The following RTCA variants were observed in gnomAD, a reference collection of about 807,000 sequenced individuals.
The protein encoded by RTCA is RNA terminal phosphate cyclase domain 1.
RTCA carries 37 observed loss-of-function variants against 46.1 expected under a neutral mutation model. That is an observed-to-expected ratio of 0.80 (90% CI 0.62 to 1.06). The LOEUF (loss-of-function observed/expected upper bound fraction) is 1.06, where lower values mean the gene tolerates loss of function less well. RTCA is among the 50% of genes least tolerant of loss of function. The pLI is 0.00. For missense variants in RTCA, 435 were observed against 455.5 expected, an observed-to-expected ratio of 0.95 and a Z score of 0.41; for synonymous variants, 164 against 158.3, an observed-to-expected ratio of 1.04 and a Z score of -0.27.
chr1:100,290,633 G>A (rs1304145037), intron 10 of RTCA, among the ~76,000 whole-genome samples: 1 of 152,112 alleles, frequency 6.6e-6, no homozygotes, highest in Non-Finnish European at 1.5e-5. Context: ...AGGCATGGTG[G>A]CATGTGCCTG....
intron 8 of RTCA, among the ~76,000 whole-genome samples, chr1:100,283,923 A>C (rs1353971758): frequency 5.0e-5 from 2 of 39,726 alleles, no homozygotes; most frequent in Non-Finnish European, 1.7e-4. Context: ...CCTAGTCGCT[A>C]AAAAAAAAAA....
At chr1:100,285,363 A>G (rs1666965196) in intron 9 of RTCA, 41 bp downstream of exon 9, 1 of 1,330,312 alleles carries the variant, frequency 7.5e-7, no homozygotes, top group Non-Finnish European at 1.1e-6. Context: ...AACCTGTTAG[A>G]TTTGAATATG....
rs766738386 is a variant in RTCA, at chr1:100,268,267, A to G, written c.262A>G (p.Ile88Val). The stretch of plus-strand genomic sequence containing the variant: ...TACACCAGAGAAGATCAAAGGTGGA[A>G]TCCACACAGCAGATACCAAGACAGC... ...TFTPEKIKGG[I>V]HTADTKTAGS... Residue 88 changes from isoleucine to valine, a missense_variant, in exon 3 of 11, where the codon ATC becomes GTC. Transcript: ENST00000370128. The G allele has an allele frequency of 5.0e-6, 8 of 1,613,816 alleles. No individual in the cohort carries two copies. The East Asian group carries it at 1.6e-4, about 31-fold the overall frequency.
In RTCA at chr1:100,287,213, CT is replaced by C; in HGVS notation, c.999+11del. On this transcript the variant is annotated intron_variant, in intron 10 of 10. Transcript: ENST00000370128. ...TGAACAAATAGCAAAGGTGAGTATT[CT>C]ATCAGAAAGGGAAATTGATATTTTG... The C allele has an allele frequency of 4.6e-6, 7 of 1,520,022 alleles. No homozygotes were observed. The highest frequency in any genetic ancestry group is 6.2e-6 in the Non-Finnish European group (7 of 1,135,016). The allele number at this position is 1,520,022 out of a possible 1,614,324, so 94.2% of individuals were successfully genotyped here.
At position 100,291,538 on chromosome 1, in the gene RTCA, T is replaced by C. The variant is rs981023722; in HGVS notation, c.*34T>C. 3 of 1,203,966 alleles carry C rather than the reference T, an allele frequency of 2.5e-6. No individual in the cohort carries two copies. The highest frequency in any genetic ancestry group is 2.4e-6 in the Non-Finnish European group (2 of 825,852). The allele number at this position is 1,203,966 out of a possible 1,614,324, so 74.6% of individuals were successfully genotyped here. On this transcript the variant is annotated 3_prime_UTR_variant, in exon 11 of 11. Coordinates refer to ENST00000370128, the MANE Select transcript of RTCA (RefSeq NM_003729.4). ...CCTCTTAAATGATACCTCATTGATATATTGCACTATTTCATAAATACTATA... is the reference window on the plus strand; with the variant it reads ...CCTCTTAAATGATACCTCATTGATACATTGCACTATTTCATAAATACTATA...
At chr1:100,269,990 T>C (rs748518496) in intron 3 of RTCA, among the ~76,000 whole-genome samples, 3 of 152,236 alleles carry the variant, frequency 2.0e-5, no homozygotes, top group Non-Finnish European at 4.4e-5. Flanking sequence ...TCCAGCTTCA[T>C]CCATGTCCCT....
Position 100,274,905 on chromosome 1 carries a change from G to A in RTCA, c.555G>A (p.Glu185=). 1 of 1,613,472 alleles carries A rather than the reference G, an allele frequency of 6.2e-7. No individual in the cohort carries two copies. Among genetic ancestry groups the A allele is most frequent in the African/African-American group, 1.3e-5 (1 of 75,024 alleles). Residue 185 remains glutamate, a synonymous_variant, in exon 6 of 11, where the codon GAG becomes GAA. Transcript: ENST00000370128. ...VKQLNPINLT[E]RGCVTKIYGR... is the part of the protein sequence containing the mutation. ...AATTGAACCCTATAAATTTAACTGAGCGTGGCTGTGTGACTAAGATATATG... is the reference window on the plus strand; with the variant it reads ...AATTGAACCCTATAAATTTAACTGAACGTGGCTGTGTGACTAAGATATATG...
intron 7 of RTCA, among the ~76,000 whole-genome samples, chr1:100,276,153 G>C (rs1007408166): frequency 4.6e-5 from 7 of 151,930 alleles, no homozygotes; most frequent in African/African-American, 1.4e-4. Context: ...TATTTTTAAG[G>C]ACATTCCTAC....
At chr1:100,277,392 T>A in intron 8 of RTCA, 76 bp downstream of exon 8, 1 of 1,248,956 alleles carries the variant, frequency 8.0e-7, no homozygotes, top group Non-Finnish European at 1.1e-6. Context: ...TGGAATGTTA[T>A]AGAATGATGG....
chr1:100,282,727 C>CAA (rs57975461), intron 8 of RTCA, among the ~76,000 whole-genome samples: 3 of 152,238 alleles, frequency 2.0e-5, no homozygotes, highest in Non-Finnish European at 4.4e-5. Context: ...GTTTTATGCA[C>CAA]AAAATCATTT....
chr1:100,279,613 A>AT (rs2100803707), intron 8 of RTCA, among the ~76,000 whole-genome samples: 1 of 151,220 alleles, frequency 6.6e-6, no homozygotes. Flanking sequence ...CATCTCTTAA[A>AT]ATTTTTTTTT....
At chr1:100,278,045 G>A (rs1231333962) in intron 8 of RTCA, among the ~76,000 whole-genome samples, 2 of 152,110 alleles carry the variant, frequency 1.3e-5, no homozygotes, top group Non-Finnish European at 2.9e-5. Context: ...ACTGTATCAC[G>A]GCAGGGGGCA....
chr1:100,292,713 A>G lies in RTCA; in HGVS notation c.*1209A>G, dbSNP rs905735463. On this transcript the variant is annotated 3_prime_UTR_variant, in exon 11 of 11. Transcript: ENST00000370128. The stretch of plus-strand genomic sequence containing the variant: ...GTAGGTTTCGCAGATTCATCCCCAG[A>G]TATGTTTTTGTTTGGCTTGTGTTAT... The G allele has an allele frequency of 6.6e-6, 1 of 152,140 alleles. No homozygotes were observed. Among genetic ancestry groups the G allele is most frequent in the Admixed American group, 6.5e-5 (1 of 15,268 alleles). 9.4% of individuals were successfully genotyped at this position (152,140 alleles called of 1,614,324 possible).
chr1:100,267,624 T>C (rs1665859928), intron 2 of RTCA: 7 of 1,383,122 alleles, frequency 5.1e-6, no homozygotes. Flanking sequence ...TCTGTGTACC[T>C]TGCCCCTAGC....
At chr1:100,277,515 A>G (rs1486494844) in intron 8 of RTCA, among the ~76,000 whole-genome samples, 199 bp downstream of exon 8, 1 of 152,194 alleles carries the variant, frequency 6.6e-6, no homozygotes, top group Non-Finnish European at 1.5e-5. Context: ...ACCTATGGAA[A>G]AGTTGAATGA....
Position 100,273,523 on chromosome 1 carries a change from A to G in RTCA, c.473+71A>G, listed in dbSNP as rs1325388104. 8 of 916,834 alleles carry G rather than the reference A, an allele frequency of 8.7e-6. No individual in the cohort carries two copies. The Admixed American group carries it at 2.5e-4, about 28-fold the overall frequency. 56.8% of individuals were successfully genotyped at this position (916,834 alleles called of 1,614,324 possible). On this transcript the variant is annotated intron_variant, in intron 5 of 10. Coordinates refer to ENST00000370128, the MANE Select transcript of RTCA (RefSeq NM_003729.4). ...GAAGTAGTGGAAAAGTTAGACCCTT[A>G]GAGAACTGTCTTTCTGGTACCCACT...
intron 4 of RTCA, among the ~76,000 whole-genome samples, chr1:100,271,503 A>G (rs990330713): frequency 3.3e-5 from 5 of 152,090 alleles, no homozygotes; most frequent in Admixed American, 6.5e-5. Flanking sequence ...GATATAAATT[A>G]TATCAGTTGT....
At chr1:100,272,956 G>A (rs1468093095) in intron 4 of RTCA, among the ~76,000 whole-genome samples, 1 of 152,160 alleles carries the variant, frequency 6.6e-6, no homozygotes, top group African/African-American at 2.4e-5. Context: ...ATAATTTTAT[G>A]ATGTCAGGAA....
intron 8 of RTCA, among the ~76,000 whole-genome samples, chr1:100,278,206 C>T (rs973890467): frequency 2.6e-5 from 4 of 152,132 alleles, no homozygotes; most frequent in African/African-American, 4.8e-5. Context: ...TCTGGTTATC[C>T]TGCACCCATA....
Sources: gnomAD v4.1 joint callset for allele counts (sites outside exome capture counted in the v4.1 genomes callset) on GRCh38, gnomAD v4.1.1 for gene constraint, MANE v1.5 for transcripts, NCBI Gene and HGNC (gene_info 2026-07-23, HGNC 2026-07-21) for gene names.